Variants in SCHIP1 observed in about 807,000 individuals in gnomAD.
SCHIP1 encodes schwannomin interacting protein 1, also known as schwannomin-interacting protein 1.
SCHIP1 carries 8 observed loss-of-function variants against 29.7 expected under a neutral mutation model. That is an observed-to-expected ratio of 0.27 (90% confidence interval 0.16 to 0.49). The LOEUF is 0.49. SCHIP1 is among the 20% of genes least tolerant of loss of function. SCHIP1 has a pLI of 0.99. For synonymous variants in SCHIP1, 76 were observed against 94.9 expected (o/e 0.80, Z 1.16); for missense variants, 193 against 294.6 (o/e 0.66, Z 2.52).
the SCHIP1 span, among the ~76,000 whole-genome samples, chr3:159,535,195 A>G: frequency 1.3e-5 from 2 of 152,190 alleles, no homozygotes; most frequent in African/African-American, 2.4e-5. Flanking sequence ...ATATTTTTGC[A>G]AACACCCATG....
chr3:159,477,870 T>G, the SCHIP1 span, among the ~76,000 whole-genome samples: 1 of 151,992 alleles, frequency 6.6e-6, no homozygotes, highest in Non-Finnish European at 1.5e-5. Flanking sequence ...ATCATGGAAC[T>G]TTTTGTGTTT....
At chr3:159,566,688 T>C in the SCHIP1 span, among the ~76,000 whole-genome samples, 1 of 151,708 alleles carries the variant, frequency 6.6e-6, no homozygotes, top group Middle Eastern at 3.2e-3. Flanking sequence ...TGCCCAGAGG[T>C]AGAAATGTGC....
chr3:159,289,110 A>T, the SCHIP1 span, among the ~76,000 whole-genome samples: 2 of 152,194 alleles, frequency 1.3e-5, no homozygotes, highest in East Asian at 1.9e-4. Flanking sequence ...TCTCATCAGC[A>T]TTGCCAACAC....
chr3:159,637,963 T>C, the SCHIP1 span, among the ~76,000 whole-genome samples: 4 of 152,228 alleles, frequency 2.6e-5, no homozygotes, highest in South Asian at 4.1e-4. Context: ...AGTCCATCTA[T>C]GTATCACAAT....
At chr3:159,612,831 A>C in the SCHIP1 span, among the ~76,000 whole-genome samples, 3 of 152,208 alleles carry the variant, frequency 2.0e-5, no homozygotes, top group Non-Finnish European at 4.4e-5. Flanking sequence ...TCTTCCTTGG[A>C]CTGGAGTTTT....
the SCHIP1 span, among the ~76,000 whole-genome samples, chr3:159,787,108 T>TA: frequency 6.6e-6 from 1 of 152,164 alleles, no homozygotes; most frequent in East Asian, 1.9e-4. Flanking sequence ...CCCTTTTTAG[T>TA]AAAAAGATGA....
intron 2 of SCHIP1, among the ~76,000 whole-genome samples, chr3:159,868,400 C>T (rs1305755544): frequency 6.6e-6 from 1 of 152,004 alleles, no homozygotes; most frequent in Non-Finnish European, 1.5e-5. Flanking sequence ...TCTTTTTTTA[C>T]AGCCCTCCCA....
the SCHIP1 span, among the ~76,000 whole-genome samples, chr3:159,379,126 T>C: frequency 3.3e-5 from 5 of 152,222 alleles, no homozygotes; most frequent in Non-Finnish European, 5.9e-5. Context: ...AATGATTTTA[T>C]AGCCTGTGGT....
the SCHIP1 span, among the ~76,000 whole-genome samples, chr3:159,648,585 C>A: frequency 3.4e-4 from 51 of 152,082 alleles, no homozygotes; most frequent in Non-Finnish European, 6.5e-4. Context: ...TGAACATTGC[C>A]TCATCATCTT....
the SCHIP1 span, among the ~76,000 whole-genome samples, chr3:159,312,137 C>T: frequency 1.3e-5 from 2 of 152,128 alleles, no homozygotes; most frequent in Admixed American, 1.3e-4. Flanking sequence ...CAGTATATCA[C>T]TTAGCAGGTT....
chr3:159,543,845 G>C, the SCHIP1 span, among the ~76,000 whole-genome samples: 8 of 152,118 alleles, frequency 5.3e-5, no homozygotes, highest in African/African-American at 1.7e-4. Context: ...CAGTGTAAAA[G>C]TGTTCCTATT....
At chr3:159,425,399 C>T in the SCHIP1 span, among the ~76,000 whole-genome samples, 3 of 150,684 alleles carry the variant, frequency 2.0e-5, no homozygotes, top group East Asian at 2.0e-4. Flanking sequence ...ATCCTAGTCT[C>T]TGATAAAACA....
Position 159,861,884 on chromosome 3 carries a change from G to A in SCHIP1, c.31-4279G>A, listed in dbSNP as rs377188557. 5.3e-5 allele frequency among the ~76,000 whole-genome samples: 8 copies of A among 152,132 alleles called. No homozygotes were observed. Among genetic ancestry groups the A allele is most frequent in the South Asian group, 2.1e-4 (1 of 4,826 alleles). ...CCTTGTCTGTTTCTCACCCTGGAGC[G>A]TATTGGGCTTGGCTGGATTAAGGGG... On this transcript the variant is annotated intron_variant, in intron 1 of 6. Coordinates refer to ENST00000445224, the Ensembl canonical transcript of SCHIP1. This position sits in a 1 kb window ranked among gnomAD's most constrained non-coding sequence, Gnocchi z 4.1.
chr3:159,360,049 A>C, the SCHIP1 span, among the ~76,000 whole-genome samples: 47 of 152,292 alleles, frequency 3.1e-4, no homozygotes, highest in South Asian at 8.9e-3. Flanking sequence ...ATGTATACAA[A>C]ACTTTTCACT....
the SCHIP1 span, among the ~76,000 whole-genome samples, chr3:159,698,870 T>G: frequency 6.6e-6 from 1 of 152,266 alleles, no homozygotes; most frequent in Admixed American, 6.5e-5. Flanking sequence ...GGTCTCAAAC[T>G]TCTGGCCTCA....
At chr3:159,753,674 T>C in the SCHIP1 span, among the ~76,000 whole-genome samples, 1 of 152,202 alleles carries the variant, frequency 6.6e-6, no homozygotes, top group Admixed American at 6.5e-5. Flanking sequence ...TTCTCAGTTC[T>C]CCACCATGCA....
At chr3:159,624,541 T>C in the SCHIP1 span, among the ~76,000 whole-genome samples, 16 of 151,946 alleles carry the variant, frequency 1.1e-4, no homozygotes, top group Non-Finnish European at 1.8e-4. Context: ...AGCTAGAAGA[T>C]GGAATAATAA....
intron 1 of SCHIP1, among the ~76,000 whole-genome samples, chr3:159,856,372 T>C (rs2109153283): frequency 6.6e-6 from 1 of 152,154 alleles, no homozygotes. Context: ...AGATAGCCGG[T>C]GTGGACTTCT....
At chr3:159,376,037 A>C in the SCHIP1 span, among the ~76,000 whole-genome samples, 18 of 152,306 alleles carry the variant, frequency 1.2e-4, no homozygotes, top group South Asian at 3.3e-3. Flanking sequence ...CAACTAACTT[A>C]AAACTATTCA....
Sources: allele counts gnomAD v4.1 joint callset (sites outside exome capture counted in the v4.1 genomes callset), GRCh38; gene constraint gnomAD v4.1.1; non-coding constraint Gnocchi (gnomAD v3.1); transcripts MANE v1.5; gene names NCBI Gene and HGNC (gene_info 2026-07-23, HGNC 2026-07-21).